Variants in GRM7 observed in about 807,000 individuals in gnomAD.
The protein encoded by GRM7 is metabotropic glutamate receptor 7.
GRM7 carries 35 observed loss-of-function variants against 84.5 expected under a neutral mutation model. That is an observed-to-expected ratio of 0.41 (90% CI 0.32 to 0.55). The LOEUF is 0.55. GRM7 is among the 20% of genes least tolerant of loss of function. The pLI is 0.19. For missense variants in GRM7, 1,003 were observed against 1,194.6 expected, an observed-to-expected ratio of 0.84 and a Z score of 2.36; for synonymous variants, 487 against 455.1, an observed-to-expected ratio of 1.07 and a Z score of -0.89.
At chr3:7,569,406 T>C (rs545237432) in intron 7 of GRM7, among the ~76,000 whole-genome samples, 9 of 152,074 alleles carry the variant, frequency 5.9e-5, no homozygotes, top group Non-Finnish European at 1.3e-4. Context: ...AGTGGGGACA[T>C]GGAGAACCTT....
intron 4 of GRM7, among the ~76,000 whole-genome samples, chr3:7,320,606 GCTT>G (rs1437812708): frequency 6.6e-6 from 1 of 151,038 alleles, no homozygotes; most frequent in Non-Finnish European, 1.5e-5. Context: ...TAACCTTCCT[GCTT>G]CTTCTGTTTC....
chr3:7,519,272 G>C (rs913961458), intron 7 of GRM7, among the ~76,000 whole-genome samples: 1 of 151,808 alleles, frequency 6.6e-6, no homozygotes, highest in African/African-American at 2.4e-5. Context: ...TGAGGCAGGA[G>C]AATCGCTGAA....
chr3:6,996,339 T>A (rs1182604256), intron 1 of GRM7, among the ~76,000 whole-genome samples: 1 of 152,162 alleles, frequency 6.6e-6, no homozygotes, highest in African/African-American at 2.4e-5. Flanking sequence ...TGAGCCACCA[T>A]GCCTGGCCTA....
At position 7,713,132 on chromosome 3, in the gene GRM7, T is replaced by G. The variant is rs868363250; in HGVS notation, c.2699-27225T>G. Among the ~76,000 whole-genome samples the G allele has an allele frequency of 4.6e-4, 64 of 138,256 alleles. 2 individuals carry two copies. The highest frequency in any genetic ancestry group is 1.4e-3 in the East Asian group (7 of 4,968). The allele number at this position is 138,256 out of a possible 152,430, so 90.7% of individuals were successfully genotyped here. A position where few individuals can be genotyped will look rare whatever the true frequency, so the allele number is the denominator to read the frequency against. On this transcript the variant is annotated intron_variant, in intron 9 of 9. Coordinates refer to ENST00000357716, the MANE Select transcript of GRM7 (RefSeq NM_000844.4). ...GATTCGAATTTTGTTTTGTTTTTTT[T>G]TTTTTTTTTTTTTTTTTTTTGAGAC... is the stretch of plus-strand genomic sequence containing the variant.
chr3:7,519,564 A>C (rs960712923), intron 7 of GRM7, among the ~76,000 whole-genome samples: 1 of 152,190 alleles, frequency 6.6e-6, no homozygotes, highest in Non-Finnish European at 1.5e-5. Flanking sequence ...AAGAGGTCAT[A>C]GATAATTCCA....
intron 7 of GRM7, among the ~76,000 whole-genome samples, chr3:7,554,322 A>G (rs1345218770): frequency 6.6e-6 from 1 of 152,134 alleles, no homozygotes; most frequent in East Asian, 1.9e-4. Flanking sequence ...ACTTTGTTGC[A>G]TTGGCTTCCA....
In GRM7 at chr3:7,630,837, G is replaced by A. The variant is rs1216102950; in HGVS notation, c.2452-49212G>A. Reference sequence around the variant, plus strand: ...ATTAGTCAGCATTCAGAGGAATTTGGTGGATGTTACATAGTTTAAATTTGT... The same window carrying A: ...ATTAGTCAGCATTCAGAGGAATTTGATGGATGTTACATAGTTTAAATTTGT... On this transcript the variant is annotated intron_variant, in intron 8 of 9. Coordinates refer to ENST00000357716, the MANE Select transcript of GRM7 (RefSeq NM_000844.4). Among the ~76,000 whole-genome samples the A allele has an allele frequency of 2.6e-5, 4 of 152,306 alleles. No individual in the cohort carries two copies. The South Asian group carries it at 8.3e-4, about 32-fold the overall frequency.
chr3:7,558,028 C>T (rs1693851324), intron 7 of GRM7, among the ~76,000 whole-genome samples: 1 of 141,346 alleles, frequency 7.1e-6, no homozygotes, highest in Admixed American at 6.8e-5. Context: ...AAGATGTTGT[C>T]ATAAATGCAT....
Position 7,174,699 on chromosome 3 carries a change from G to A in GRM7, c.736+28031G>A, listed in dbSNP as rs536132944. Among the ~76,000 whole-genome samples, 290 of 152,286 alleles carry A rather than the reference G, an allele frequency of 1.9e-3. 1 individual carries two copies. The highest frequency in any genetic ancestry group is 3.1e-3 in the Non-Finnish European group (213 of 68,024). ...GCTGGCAAATAGGAGAGGAGATAGG[G>A]AAGTGCTATCTGCTTCACAAAAACT... On this transcript the variant is annotated intron_variant, in intron 2 of 9. Transcript: ENST00000357716.
chr3:7,054,278 T>C (rs1174808373), intron 1 of GRM7, among the ~76,000 whole-genome samples: 2 of 149,502 alleles, frequency 1.3e-5, no homozygotes, highest in Non-Finnish European at 3.0e-5. Flanking sequence ...ATGATATACA[T>C]ATATCATAAA....
At chr3:7,625,637 C>A (rs1032252309) in intron 8 of GRM7, among the ~76,000 whole-genome samples, 18 of 152,112 alleles carry the variant, frequency 1.2e-4, no homozygotes, top group African/African-American at 4.3e-4. Context: ...CTATTGCATT[C>A]CAGCCTGGAT....
chr3:6,972,468 G>C (rs1693797456), intron 1 of GRM7, among the ~76,000 whole-genome samples: 1 of 152,162 alleles, frequency 6.6e-6, no homozygotes, highest in African/African-American at 2.4e-5. Context: ...ATCATGTGAG[G>C]TTCCTCGCTT....
intron 1 of GRM7, among the ~76,000 whole-genome samples, chr3:6,956,866 T>C (rs559806625): frequency 6.6e-6 from 1 of 152,270 alleles, no homozygotes; most frequent in African/African-American, 2.4e-5. Context: ...TAAATTACAA[T>C]TTACAACCCC....
At chr3:6,889,825 A>C (rs1695860725) in intron 1 of GRM7, among the ~76,000 whole-genome samples, 1 of 152,092 alleles carries the variant, frequency 6.6e-6, no homozygotes, top group Admixed American at 6.6e-5. Context: ...TCCTCCTTGT[A>C]CTTCTGGTAG....
chr3:7,099,496 T>C (rs1447590216), intron 1 of GRM7, among the ~76,000 whole-genome samples: 1 of 145,334 alleles, frequency 6.9e-6, no homozygotes, highest in South Asian at 2.1e-4. Flanking sequence ...TGTACACGCA[T>C]TATACATGTA....
At chr3:7,676,447 TTTAATTAATTAA>T (rs562305638) in intron 8 of GRM7, among the ~76,000 whole-genome samples, 1 of 152,310 alleles carries the variant, frequency 6.6e-6, no homozygotes, top group African/African-American at 2.4e-5. Flanking sequence ...TATTCTTTGT[TTTAATTAATTAA>T]TTAATTAATT....
At chr3:7,081,970 A>G (rs1400050129) in intron 1 of GRM7, among the ~76,000 whole-genome samples, 1 of 152,154 alleles carries the variant, frequency 6.6e-6, no homozygotes, top group Non-Finnish European at 1.5e-5. Flanking sequence ...AAAGTTTAAG[A>G]AAAAGATCTT....
intron 1 of GRM7, among the ~76,000 whole-genome samples, chr3:7,121,392 A>T (rs1693215470): frequency 6.6e-6 from 1 of 150,710 alleles, no homozygotes; most frequent in South Asian, 2.1e-4. Flanking sequence ...CCCTCTATTC[A>T]TTGTAAGGCG....
At chr3:7,737,983 G>C (rs529958771) in intron 9 of GRM7, among the ~76,000 whole-genome samples, 1 of 152,116 alleles carries the variant, frequency 6.6e-6, no homozygotes, top group East Asian at 1.9e-4. Context: ...GAGTAGCTGG[G>C]ATTACAGGCG....
Sources: gnomAD v4.1 joint callset for allele counts (sites outside exome capture counted in the v4.1 genomes callset) on GRCh38, gnomAD v4.1.1 for gene constraint, MANE v1.5 for transcripts, NCBI Gene and HGNC (gene_info 2026-07-23, HGNC 2026-07-21) for gene names.